GTF3C1: variants seen among roughly 807,000 people sequenced by gnomAD.
GTF3C1 encodes general transcription factor IIIC subunit 1.
In GTF3C1, 57 loss-of-function variants were observed where a neutral mutation model predicts 226.7. The observed-to-expected ratio is 0.25, with a 90% confidence interval of 0.20 to 0.31. The LOEUF is 0.31. Among genes scored for constraint, GTF3C1 ranks in the 10% least tolerant of loss-of-function variants. The pLI is 1.00. For missense variants in GTF3C1, 2,217 were observed against 2,776.1 expected (o/e 0.80, Z 4.53); for synonymous variants, 1,090 against 1,084.8 (o/e 1.00, Z -0.09).
chr16:27,486,257 A>C (rs1437785537), intron 23 of GTF3C1, 103 bp from the exon 24 acceptor site: 2 of 655,242 alleles, frequency 3.1e-6, no homozygotes, highest in Non-Finnish European at 5.5e-6. Flanking sequence ...AGATGTGACT[A>C]ATGGTATTGG....
At chr16:27,486,762 A>G (rs1419456231) in intron 23 of GTF3C1, among the ~76,000 whole-genome samples, 1 of 152,254 alleles carries the variant, frequency 6.6e-6, no homozygotes, top group African/African-American at 2.4e-5. Flanking sequence ...CCACCAAAAC[A>G]GCAGTCTAGC....
intron 32 of GTF3C1, chr16:27,466,266 G>A (rs575081491): frequency 6.6e-6 from 1 of 152,152 alleles, no homozygotes; most frequent in African/African-American, 2.4e-5. Context: ...CCGTGTGCTC[G>A]ATTTGTGTCT....
In GTF3C1 at chr16:27,463,901, G is replaced by A. The variant is rs1290012964; in HGVS notation, c.5873-309C>T. 2.3e-6 allele frequency: 1 copy of A among 427,170 alleles called. No homozygotes were observed. 26.5% of individuals were successfully genotyped at this position (427,170 alleles called of 1,614,324 possible). A position where few individuals can be genotyped will look rare whatever the true frequency, so the allele number is the denominator to read the frequency against. The stretch of plus-strand genomic sequence containing the variant: ...CGACCACAAGGGTGGTATAAAACCC[G>A]AGGCAAAAACACCCCAAAGAAAACA... On this transcript the variant is annotated intron_variant, in intron 34 of 36. Transcript: ENST00000356183. This position sits in a 1 kb window ranked among gnomAD's most constrained non-coding sequence, Gnocchi z 4.9.
chr16:27,493,931 C>CTT (rs35214542), intron 16 of GTF3C1, among the ~76,000 whole-genome samples: 1 of 148,208 alleles, frequency 6.7e-6, no homozygotes. Flanking sequence ...TTCAATTCAG[C>CTT]TTTTTTTTTT....
At chr16:27,489,911 T>C (rs1277346085) in intron 19 of GTF3C1, among the ~76,000 whole-genome samples, 168 bp from the exon 20 acceptor site, 1 of 152,182 alleles carries the variant, frequency 6.6e-6, no homozygotes, top group Admixed American at 6.5e-5. Flanking sequence ...AAAATATCCA[T>C]ACAAGAAAGT....
At chr16:27,473,387 G>C (rs1022618739) in intron 29 of GTF3C1, among the ~76,000 whole-genome samples, 2 of 152,350 alleles carry the variant, frequency 1.3e-5, no homozygotes, top group South Asian at 2.1e-4. Flanking sequence ...TTCTGCAAAG[G>C]GCAAGCAACC....
chr16:27,537,973 A>G, intron 3 of GTF3C1, 46 bp from the exon 4 acceptor site: 1 of 1,595,170 alleles, frequency 6.3e-7, no homozygotes, highest in Non-Finnish European at 8.6e-7. Context: ...TGGTAGTTTT[A>G]TCAATGTATA....
At chr16:27,517,645 T>A (rs1425939425) in intron 6 of GTF3C1, among the ~76,000 whole-genome samples, 3 of 152,226 alleles carry the variant, frequency 2.0e-5, no homozygotes, top group East Asian at 3.8e-4. Flanking sequence ...AGATCTTTTG[T>A]GTCCAGGATC....
Position 27,471,505 on chromosome 16 carries a change from G to A in GTF3C1, c.4526+243C>T, listed in dbSNP as rs970819680. The A allele has an allele frequency of 2.6e-5, 13 of 491,818 alleles. No individual in the cohort carries two copies. The highest frequency in any genetic ancestry group is 5.8e-5 in the African/African-American group (3 of 51,922). The allele number at this position is 491,818 out of a possible 1,614,324, so 30.5% of individuals were successfully genotyped here. A position where few individuals can be genotyped will look rare whatever the true frequency, so the allele number is the denominator to read the frequency against. On this transcript the variant is annotated intron_variant, in intron 30 of 36. Transcript: ENST00000356183. This position sits in a 1 kb window ranked among gnomAD's most constrained non-coding sequence, Gnocchi z 5.0. Reference sequence around the variant, plus strand: ...TTTCACTCCATCTGACGAGAGAAACGGAAACAAACCACCTGCAAAATGGTA... The same window carrying A: ...TTTCACTCCATCTGACGAGAGAAACAGAAACAAACCACCTGCAAAATGGTA...
At chr16:27,547,718 C>T (rs1274395219) in intron 1 of GTF3C1, among the ~76,000 whole-genome samples, 1 of 152,098 alleles carries the variant, frequency 6.6e-6, no homozygotes, top group Non-Finnish European at 1.5e-5. Flanking sequence ...GGCTGGAGTG[C>T]AGTGGCACAA....
chr16:27,485,982 TG>T lies in GTF3C1; in HGVS notation c.3858+14del. Reference sequence around the variant, plus strand: ...GTGAGGGGCAGGCCCACCGCTGGGCTGGGCTGGTTGGTACCTTGGTGTTGAG... The same window carrying T: ...GTGAGGGGCAGGCCCACCGCTGGGCTGGCTGGTTGGTACCTTGGTGTTGAG... On this transcript the variant is annotated intron_variant, in intron 24 of 36. Transcript: ENST00000356183. 1 of 1,575,664 alleles carries T rather than the reference TG, an allele frequency of 6.3e-7. No homozygotes were observed. The highest frequency in any genetic ancestry group is 8.7e-7 in the Non-Finnish European group (1 of 1,155,362).
intron 12 of GTF3C1, 131 bp from the exon 13 acceptor site, chr16:27,498,864 T>C (rs1336008526): frequency 6.1e-6 from 4 of 651,532 alleles, no homozygotes; most frequent in South Asian, 1.7e-5. Context: ...GATTAGGAGA[T>C]CGAAACAAAA....
intron 32 of GTF3C1, among the ~76,000 whole-genome samples, chr16:27,466,653 T>A (rs1239325108): frequency 6.6e-6 from 1 of 152,186 alleles, no homozygotes. Flanking sequence ...TGACAGCCAA[T>A]ATAGATGAAA....
intron 32 of GTF3C1, among the ~76,000 whole-genome samples, chr16:27,467,687 TG>T (rs1409902984): frequency 2.6e-5 from 4 of 152,062 alleles, no homozygotes; most frequent in African/African-American, 9.7e-5. Context: ...CTGCCCAACA[TG>T]GTAAAACACC....
chr16:27,480,955 T>C (rs1427262949), intron 27 of GTF3C1, 124 bp downstream of exon 27: 5 of 739,678 alleles, frequency 6.8e-6, no homozygotes, highest in Admixed American at 2.2e-5. Context: ...GGAGGGCCAC[T>C]GCAAGGCCAA....
intron 6 of GTF3C1, among the ~76,000 whole-genome samples, chr16:27,516,557 T>C (rs1714947814): frequency 6.6e-6 from 1 of 152,234 alleles, no homozygotes; most frequent in Non-Finnish European, 1.5e-5. Flanking sequence ...CCCTGTTTTA[T>C]TTACCCAAGC....
rs2087830505 is a variant in GTF3C1, at chr16:27,469,354, T to C, written c.5011A>G (p.Asn1671Asp). The change falls in exon 32 of 37, where the codon AAC becomes GAC. Residue 1671 changes from asparagine to aspartate, a missense_variant. Physicochemically the swap from Asn to Asp is conservative, Grantham distance 23. Transcript: ENST00000356183. This position sits in a 1 kb window ranked among gnomAD's most constrained non-coding sequence, Gnocchi z 4.5. ...AGCTGGAACTTCATCTGGCAGGAGTTGACCACAATGCTGTCGTTGGGGTTG... is the reference window on the plus strand; with the variant it reads ...AGCTGGAACTTCATCTGGCAGGAGTCGACCACAATGCTGTCGTTGGGGTTG... ...NLNPNDSIVV[N>D]SCQMKFQLRC... The C allele has an allele frequency of 1.9e-6, 3 of 1,604,970 alleles. No homozygotes were observed. Among genetic ancestry groups the C allele is most frequent in the African/African-American group, 1.3e-5 (1 of 74,874 alleles).
chr16:27,521,696 T>A (rs1436435157), intron 6 of GTF3C1, among the ~76,000 whole-genome samples: 1 of 152,258 alleles, frequency 6.6e-6, no homozygotes, highest in Non-Finnish European at 1.5e-5. Flanking sequence ...TCTGCCATAT[T>A]AACATGTCTT....
In GTF3C1 at chr16:27,502,102, AAAAAG is replaced by A. The variant is rs577401194; in HGVS notation, c.1907+752_1907+756del. ...GAGTGAGACTCCATCTCAAAAAAAAAAAAAGAAAAGAAAATAGAATACAGGGCCAA... is the reference window on the plus strand; with the variant it reads ...GAGTGAGACTCCATCTCAAAAAAAAAAAAAGAAAATAGAATACAGGGCCAA... On this transcript the variant is annotated intron_variant, in intron 11 of 36. Coordinates refer to ENST00000356183, the MANE Select transcript of GTF3C1 (RefSeq NM_001520.4). Among the ~76,000 whole-genome samples, 994 of 152,064 alleles carry A rather than the reference AAAAAG, an allele frequency of 6.5e-3. 15 individuals are homozygous for A. The highest frequency in any genetic ancestry group is 0.023 in the African/African-American group (951 of 41,422).
Sources: gnomAD v4.1 joint callset for allele counts (sites outside exome capture counted in the v4.1 genomes callset) on GRCh38, gnomAD v4.1.1 for gene constraint, Gnocchi (gnomAD v3.1) non-coding constraint, MANE v1.5 for transcripts, NCBI Gene and HGNC (gene_info 2026-07-23, HGNC 2026-07-21) for gene names.